POU2F2: variants seen among roughly 807,000 people sequenced by gnomAD.
The protein encoded by POU2F2 is POU domain, class 2, transcription factor 2.
Under a neutral mutation model 63.5 loss-of-function variants are expected in POU2F2, and 14 were observed. That is an observed-to-expected ratio of 0.22 (90% confidence interval 0.15 to 0.34). The LOEUF is 0.34. Among genes scored for constraint, POU2F2 ranks in the 10% least tolerant of loss-of-function variants. The pLI, the probability that POU2F2 is intolerant of heterozygous loss-of-function variation, is 1.00. For synonymous variants in POU2F2, 306 were observed against 348.6 expected (o/e 0.88, Z 1.36); for missense variants, 607 against 815.2 (o/e 0.74, Z 3.11).
rs2032085447 is a variant in POU2F2, at chr19:42,117,585, A to G, written c.187-153T>C. 6.6e-6 allele frequency among the ~76,000 whole-genome samples: 1 copy of G among 152,040 alleles called. No individual in the cohort carries two copies. On this transcript the variant is annotated intron_variant, in intron 4 of 14. Coordinates refer to ENST00000692977, the MANE Select transcript of POU2F2 (RefSeq NM_001394376.1). This position sits in a 1 kb window ranked among gnomAD's most constrained non-coding sequence, Gnocchi z 4.4. ...TCCTCTGGCCTCAGTTTCCTCATCA[A>G]TCAGATAGGGCTAACACAACACCTG...
intron 1 of POU2F2, among the ~76,000 whole-genome samples, chr19:42,127,024 C>T (rs1207815888): frequency 1.3e-5 from 2 of 152,036 alleles, no homozygotes; most frequent in Non-Finnish European, 2.9e-5. Context: ...TCAAGCTATC[C>T]TCCCATCCCA....
At chr19:42,166,887 TTATATTGGGCAAGCAGGTGA>T (rs1440549136) in intron 1 of POU2F2, among the ~76,000 whole-genome samples, 3 of 152,044 alleles carry the variant, frequency 2.0e-5, no homozygotes, top group Non-Finnish European at 4.4e-5. Context: ...ACCTCCACCA[TTATATTGGGCAAGCAGGTGA>T]TATATTGGGC....
At chr19:42,142,167 C>T (rs896003234) in intron 2 of POU2F2, among the ~76,000 whole-genome samples, 3 of 152,156 alleles carry the variant, frequency 2.0e-5, no homozygotes, top group Non-Finnish European at 4.4e-5. Context: ...TAATTATAAC[C>T]TCTTTTGTAG....
chr19:42,130,857 G>A (rs1352313168), intron 1 of POU2F2, among the ~76,000 whole-genome samples: 5 of 148,590 alleles, frequency 3.4e-5, no homozygotes, highest in Admixed American at 6.7e-5. Flanking sequence ...ATACCTCCCC[G>A]TCCTGGCCCA....
chr19:42,154,210 A>T (rs928251694), intron 2 of POU2F2, among the ~76,000 whole-genome samples: 2 of 151,286 alleles, frequency 1.3e-5, no homozygotes, highest in African/African-American at 4.9e-5. Context: ...GGGGACAGGG[A>T]GGGGGAGCGA....
At position 42,096,373 on chromosome 19, in the gene POU2F2, T is replaced by C. The variant is rs539303549; in HGVS notation, c.568-130A>G. 10 of 952,662 alleles carry C rather than the reference T, an allele frequency of 1.0e-5. No homozygotes were observed. The highest frequency in any genetic ancestry group is 1.5e-5 in the Non-Finnish European group (10 of 657,868). The allele number at this position is 952,662 out of a possible 1,614,324, so 59.0% of individuals were successfully genotyped here. ...CCGCCGCCTGCAGACTCCCCCCGCCTTCCTCCACAAGCACCGTCAATCCCT... is the reference window on the plus strand; with the variant it reads ...CCGCCGCCTGCAGACTCCCCCCGCCCTCCTCCACAAGCACCGTCAATCCCT... On this transcript the variant is annotated intron_variant, in intron 7 of 14. Transcript: ENST00000692977. The surrounding 1 kb of genome is among the most constrained non-coding windows in gnomAD (Gnocchi z 4.1).
At position 42,150,901 on chromosome 19, in the gene POU2F2, C is replaced by A. The variant is rs993778722; in HGVS notation, c.-9+9431G>T. ...GATGAGCCCCACTTTGCTTCTGTAT[C>A]CCCCAATCCAACCAGGCTCCTCCTA... is the stretch of plus-strand genomic sequence containing the variant. On this transcript the variant is annotated intron_variant, in intron 2 of 6. Transcript: ENST00000524801. 7.9e-5 allele frequency among the ~76,000 whole-genome samples: 12 copies of A among 152,092 alleles called. 1 individual carries two copies. Among genetic ancestry groups the A allele is most frequent in the Admixed American group, 7.8e-4 (12 of 15,288 alleles).
upstream of POU2F2, among the ~76,000 whole-genome samples, chr19:42,197,502 G>C (rs2035164777): frequency 6.6e-6 from 1 of 152,082 alleles, no homozygotes; most frequent in Non-Finnish European, 1.5e-5. Flanking sequence ...TCCAAGGTGT[G>C]GGCAGGGGCA....
intron 12 of POU2F2, 137 bp downstream of exon 12, chr19:42,093,692 T>C (rs2076816040): frequency 3.7e-6 from 3 of 816,210 alleles, no homozygotes; most frequent in Non-Finnish European, 5.8e-6. Context: ...CTTCCCACTG[T>C]CTCTCCCATT....
chr19:42,180,583 T>C (rs973689250), upstream of POU2F2, among the ~76,000 whole-genome samples: 1 of 152,112 alleles, frequency 6.6e-6, no homozygotes, highest in Non-Finnish European at 1.5e-5. Flanking sequence ...GGATGTCCTG[T>C]TCCCTGCCTT....
At position 42,099,541 on chromosome 19, in the gene POU2F2, C is replaced by T. The variant is rs142832761; in HGVS notation, c.553G>A (p.Gly185Arg). The T allele has an allele frequency of 2.0e-5, 32 of 1,613,156 alleles. No individual in the cohort carries two copies. The highest frequency in any genetic ancestry group is 5.0e-5 in the Admixed American group (3 of 60,000). Reference sequence around the variant, plus strand: ...GACAGTCTCACCTGTGTGGGAAGCCCGGCCCGGGGCTGGGAGGTCAGAAGA... The same window carrying T: ...GACAGTCTCACCTGTGTGGGAAGCCTGGCCCGGGGCTGGGAGGTCAGAAGA... Reference protein sequence around the residue: ...GALLTSQPRAGLPTQAVTRPT... With the variant: ...GALLTSQPRARLPTQAVTRPT... Residue 185 changes from glycine (G) to arginine (R), a missense_variant, in exon 7 of 15, where the codon GGG becomes AGG. By Grantham distance (125) the Gly-to-Arg change is moderately radical (BLOSUM62 -2). This residue lies in a region of POU2F2 where 224 missense variants were observed against 264.3 expected (regional missense o/e 0.85). Transcript: ENST00000692977.
intron 5 of POU2F2, among the ~76,000 whole-genome samples, chr19:42,100,925 C>T (rs934982915): frequency 8.6e-5 from 13 of 151,912 alleles, no homozygotes; most frequent in African/African-American, 2.9e-4. Flanking sequence ...CAGTGAAACC[C>T]TGTCTCTACT....
At chr19:42,195,075 AAGGG>A (rs1397863998) in intron 1 of POU2F2, among the ~76,000 whole-genome samples, 1 of 3,306 alleles carries the variant, frequency 3.0e-4, no homozygotes, top group Non-Finnish European at 5.3e-4. Flanking sequence ...GGGAGGAAGG[AAGGG>A]AGGGAGGAAG....
rs2076919783 is a variant in POU2F2, at chr19:42,096,294, G to T, written c.568-51C>A. 6.8e-7 allele frequency: 1 copy of T among 1,470,064 alleles called. No individual in the cohort carries two copies. Among genetic ancestry groups the T allele is most frequent in the Middle Eastern group, 2.5e-4 (1 of 4,066 alleles). 91.1% of individuals were successfully genotyped at this position (1,470,064 alleles called of 1,614,324 possible). Reference sequence around the variant, plus strand: ...ATGCAGGGCGGAGGACCAGGATGGGGCTCAGCGATGGGTGCACAGTCCCCC... The same window carrying T: ...ATGCAGGGCGGAGGACCAGGATGGGTCTCAGCGATGGGTGCACAGTCCCCC... On this transcript the variant is annotated intron_variant, in intron 7 of 14. Coordinates refer to ENST00000692977, the MANE Select transcript of POU2F2 (RefSeq NM_001394376.1). The surrounding 1 kb of genome is among the most constrained non-coding windows in gnomAD (Gnocchi z 4.1).
At chr19:42,163,791 C>T (rs1219490383) in intron 1 of POU2F2, among the ~76,000 whole-genome samples, 1 of 152,118 alleles carries the variant, frequency 6.6e-6, no homozygotes, top group Non-Finnish European at 1.5e-5. Context: ...CAAAAACCAA[C>T]CTAGATATCA....
chr19:42,118,546 C>T (rs534375764), intron 4 of POU2F2, among the ~76,000 whole-genome samples: 2 of 152,388 alleles, frequency 1.3e-5, no homozygotes, highest in South Asian at 4.1e-4. Context: ...AAATACCAGG[C>T]TTCAGCCTCC....
At chr19:42,136,411 C>G, upstream of POU2F2, among the ~76,000 whole-genome samples, 1 of 151,478 alleles carries the variant, frequency 6.6e-6, no homozygotes, top group South Asian at 2.1e-4. Flanking sequence ...TCTCAGAACT[C>G]CTAGGCTCAA....
intron 5 of POU2F2, among the ~76,000 whole-genome samples, chr19:42,100,130 C>T (rs1233595031): frequency 8.9e-6 from 1 of 112,396 alleles, no homozygotes; most frequent in Non-Finnish European, 1.7e-5. Flanking sequence ...CTCGCTCTGT[C>T]GCCCAGGCTG....
intron 1 of POU2F2, among the ~76,000 whole-genome samples, chr19:42,130,791 C>G (rs911511689): frequency 6.6e-6 from 1 of 151,502 alleles, no homozygotes; most frequent in Non-Finnish European, 1.5e-5. Context: ...CCAGGAAGCC[C>G]TCCTTGACAC....
Sources: gnomAD v4.1 joint callset for allele counts (sites outside exome capture counted in the v4.1 genomes callset) on GRCh38, gnomAD v4.1.1 for gene constraint, gnomAD v4.1.1 regional missense constraint, Gnocchi (gnomAD v3.1) non-coding constraint, MANE v1.5 for transcripts, NCBI Gene and HGNC (gene_info 2026-07-23, HGNC 2026-07-21) for gene names.